Variants in LYPD6B observed in about 807,000 individuals in gnomAD.
The protein encoded by LYPD6B is LY6/PLAUR domain containing 6B, also known as ly6/PLAUR domain-containing protein 6B.
Under a neutral mutation model 22.8 loss-of-function variants are expected in LYPD6B, and 17 were observed. The observed-to-expected ratio is 0.75, with a 90% CI of 0.51 to 1.12. LYPD6B has a LOEUF of 1.12. LYPD6B is among the 50% of genes most tolerant of loss of function. The pLI, the probability that LYPD6B is intolerant of heterozygous loss-of-function variation, is 0.00. For missense variants in LYPD6B, 221 were observed against 258.3 expected (o/e 0.86, Z 0.99); for synonymous variants, 106 against 91.6 (o/e 1.16, Z -0.90).
intron 1 of LYPD6B, among the ~76,000 whole-genome samples, chr2:149,098,643 A>AAAAAAAAAAAAAAAAAAAAGAAAG (rs57783804): frequency 4.6e-5 from 6 of 130,960 alleles, no homozygotes; most frequent in Non-Finnish European, 9.4e-5. Context: ...AAAAAAAAAA[A>AAAAAAAAAAAAAAAAAAAAGAAAG]AAAAAAGAAA....
intron 1 of LYPD6B, among the ~76,000 whole-genome samples, chr2:149,101,953 G>C (rs564159865): frequency 6.6e-6 from 1 of 152,244 alleles, no homozygotes; most frequent in East Asian, 1.9e-4. Context: ...AGAAAGTAAA[G>C]TACCCCTTTG....
chr2:149,084,523 C>G (rs981874715), intron 1 of LYPD6B, among the ~76,000 whole-genome samples: 5 of 152,138 alleles, frequency 3.3e-5, no homozygotes, highest in Non-Finnish European at 7.3e-5. Flanking sequence ...ACATTTCCAT[C>G]CCAGGCCTGA....
chr2:149,085,889 A>G lies in LYPD6B; in HGVS notation c.-66-44994A>G, dbSNP rs544909737. 2.3e-4 allele frequency among the ~76,000 whole-genome samples: 19 copies of G among 83,642 alleles called. No homozygotes were observed. The South Asian group carries it at 4.6e-3, about 20-fold the overall frequency. 54.9% of individuals were successfully genotyped at this position (83,642 alleles called of 152,430 possible). ...AATGATCACAGACTAGTAGGAGAGG[A>G]TGGGAAGGCGCCCTTTGCTCAGAAG... On this transcript the variant is annotated intron_variant, in intron 1 of 6. Transcript: ENST00000409642.
chr2:149,090,027 C>A (rs374227012), intron 1 of LYPD6B, among the ~76,000 whole-genome samples: 9 of 152,114 alleles, frequency 5.9e-5, no homozygotes, highest in Non-Finnish European at 1.5e-5. Flanking sequence ...GGGATGGAGA[C>A]AACCTATTCT....
At chr2:149,141,699 A>G (rs1688704557) in intron 2 of LYPD6B, among the ~76,000 whole-genome samples, 1 of 152,128 alleles carries the variant, frequency 6.6e-6, no homozygotes. Flanking sequence ...TGGAAGCTGT[A>G]TTAATTTTAA....
At chr2:149,112,657 A>G (rs1348767834) in intron 1 of LYPD6B, among the ~76,000 whole-genome samples, 1 of 152,142 alleles carries the variant, frequency 6.6e-6, no homozygotes. Flanking sequence ...TATGAGGTTT[A>G]AGTGGAATGA....
intron 1 of LYPD6B, among the ~76,000 whole-genome samples, chr2:149,096,391 G>A (rs1022040599): frequency 3.9e-5 from 6 of 152,160 alleles, no homozygotes; most frequent in South Asian, 2.1e-4. Flanking sequence ...AGTTATCACC[G>A]CACAAATGTA....
At chr2:149,091,219 G>A (rs144888978) in intron 1 of LYPD6B, among the ~76,000 whole-genome samples, 66 of 151,954 alleles carry the variant, frequency 4.3e-4, no homozygotes, top group African/African-American at 1.5e-3. Flanking sequence ...CTGTGAAATC[G>A]GGGTTTTGGA....
chr2:149,195,508 A>T (rs1201758062), intron 3 of LYPD6B, among the ~76,000 whole-genome samples: 2 of 152,234 alleles, frequency 1.3e-5, no homozygotes, highest in African/African-American at 4.8e-5. Flanking sequence ...CAGAAGGCTG[A>T]TAAATGGAAA....
rs229327 is a variant in LYPD6B, at chr2:149,158,242, G to C, written c.6-2522G>C. On this transcript the variant is annotated intron_variant, in intron 2 of 6. Coordinates refer to ENST00000409642, the MANE Select transcript of LYPD6B (RefSeq NM_177964.5). ...TTTAAAAAGACTTTTCACACCGTAA[G>C]TACTCTATAATTACTCGGTGAATTA... 2.9e-3 allele frequency among the ~76,000 whole-genome samples: 444 copies of C among 152,216 alleles called. 4 individuals are homozygous for C. The highest frequency in any genetic ancestry group is 1.0e-2 in the African/African-American group (415 of 41,526).
At chr2:149,132,021 G>A (rs893437701) in intron 2 of LYPD6B, among the ~76,000 whole-genome samples, 3 of 151,930 alleles carry the variant, frequency 2.0e-5, no homozygotes, top group Non-Finnish European at 4.4e-5. Context: ...ACATGCCAAA[G>A]CTAACACAGT....
chr2:149,099,364 C>T (rs1343167101), intron 1 of LYPD6B, among the ~76,000 whole-genome samples: 1 of 152,078 alleles, frequency 6.6e-6, no homozygotes, highest in Non-Finnish European at 1.5e-5. Flanking sequence ...CTTACAGTCT[C>T]AGCTGGGCAG....
At chr2:149,131,215 A>G in intron 2 of LYPD6B, 1 of 424,378 alleles carries the variant, frequency 2.4e-6, no homozygotes, top group Non-Finnish European at 4.2e-6. Flanking sequence ...GTAGCTGCTG[A>G]TCTTAATTTG....
chr2:149,116,940 G>C (rs1574995355), intron 1 of LYPD6B, among the ~76,000 whole-genome samples: 1 of 152,142 alleles, frequency 6.6e-6, no homozygotes, highest in African/African-American at 2.4e-5. Context: ...CCCTATCCTA[G>C]TAGCCACTGC....
intron 1 of LYPD6B, among the ~76,000 whole-genome samples, chr2:149,127,903 T>A (rs1489932577): frequency 2.0e-5 from 3 of 152,228 alleles, no homozygotes; most frequent in African/African-American, 7.2e-5. Flanking sequence ...TTTCACATTC[T>A]ACCTATTAAT....
intron 1 of LYPD6B, among the ~76,000 whole-genome samples, chr2:149,092,699 C>T (rs1685713155): frequency 6.6e-6 from 1 of 151,976 alleles, no homozygotes; most frequent in Admixed American, 6.6e-5. Flanking sequence ...AAAAACAAGC[C>T]CTTTGTCTTC....
chr2:149,170,401 G>C (rs984920505), intron 3 of LYPD6B, among the ~76,000 whole-genome samples: 13 of 152,116 alleles, frequency 8.5e-5, no homozygotes, highest in Non-Finnish European at 5.9e-5. Flanking sequence ...AATACCATCT[G>C]TCTTCTATCA....
chr2:149,160,932 G>A, intron 3 of LYPD6B, 97 bp downstream of exon 3: 1 of 885,308 alleles, frequency 1.1e-6, no homozygotes, highest in Non-Finnish European at 1.8e-6. Context: ...GGGACCCTGT[G>A]TTTTTCCCAT....
chr2:149,211,152 A>G (rs1693828243), intron 5 of LYPD6B, among the ~76,000 whole-genome samples: 1 of 152,168 alleles, frequency 6.6e-6, no homozygotes, highest in Non-Finnish European at 1.5e-5. Context: ...AGAACTCACT[A>G]TCACAAGAAC....
Sources: allele counts gnomAD v4.1 joint callset (sites outside exome capture counted in the v4.1 genomes callset), GRCh38; gene constraint gnomAD v4.1.1; transcripts MANE v1.5; gene names NCBI Gene and HGNC (gene_info 2026-07-23, HGNC 2026-07-21).